The following XPO7 variants were observed in gnomAD, a reference collection of about 807,000 sequenced individuals.
The protein encoded by XPO7 is exportin-7.
XPO7 carries 21 observed loss-of-function variants against 144.3 expected under a neutral mutation model. The ratio of observed to expected loss-of-function variants is 0.15; its 90% CI spans 0.10 to 0.21. The LOEUF (loss-of-function observed/expected upper bound fraction) is 0.21. XPO7 is among the 10% of genes least tolerant of loss of function. The probability of loss-of-function intolerance (pLI) is 1.00; values close to 1 mark genes in which losing one functional copy is unlikely to be tolerated. For missense variants in XPO7, 808 were observed against 1,325.8 expected, an observed-to-expected ratio of 0.61 and a Z score of 6.06; for synonymous variants, 580 against 499.6, an observed-to-expected ratio of 1.16 and a Z score of -2.15.
intron 1 of XPO7, among the ~76,000 whole-genome samples, chr8:21,952,951 G>A (rs184271466): frequency 1.3e-5 from 2 of 152,270 alleles, no homozygotes; most frequent in African/African-American, 4.8e-5. Flanking sequence ...TTTTAGAGCA[G>A]TTTTAGGTTT....
At chr8:21,977,316 C>G (rs928468463) in intron 7 of XPO7, among the ~76,000 whole-genome samples, 4 of 152,214 alleles carry the variant, frequency 2.6e-5, no homozygotes, top group African/African-American at 9.7e-5. Flanking sequence ...CGTGGTGGCT[C>G]ACGCCTGTAA....
chr8:21,976,204 T>G (rs1371816630), intron 6 of XPO7, among the ~76,000 whole-genome samples, 152 bp from the exon 7 acceptor site: 2 of 152,176 alleles, frequency 1.3e-5, no homozygotes, highest in Non-Finnish European at 2.9e-5. Context: ...TAGTCACAGG[T>G]GATAGAAGTA....
At chr8:22,002,880 A>C (rs1813199945) in intron 25 of XPO7, 1 of 184,894 alleles carries the variant, frequency 5.4e-6, no homozygotes, top group Admixed American at 5.7e-5. Context: ...AAAGCTGTCA[A>C]CTCCGAGTAC....
At chr8:21,928,148 T>C (rs1810523738) in intron 1 of XPO7, among the ~76,000 whole-genome samples, 1 of 152,212 alleles carries the variant, frequency 6.6e-6, no homozygotes, top group African/African-American at 2.4e-5. Context: ...CACTATAAAT[T>C]AGTTTGCATT....
At position 21,974,783 on chromosome 8, in the gene XPO7, G is replaced by A; in HGVS notation, c.597+9G>A. The A allele has an allele frequency of 6.5e-7, 1 of 1,542,878 alleles. No homozygotes were observed. The highest frequency in any genetic ancestry group is 8.8e-7 in the Non-Finnish European group (1 of 1,139,912). Reference sequence around the variant, plus strand: ...GCAATTTACTAAAACAGGTGAGCATGTAGTTTGGGTCATATTTCCCAGTTT... The same window carrying A: ...GCAATTTACTAAAACAGGTGAGCATATAGTTTGGGTCATATTTCCCAGTTT... On this transcript the variant is annotated intron_variant, in intron 6 of 27. Transcript: ENST00000252512.
At chr8:21,947,572 G>GTTT (rs1188773249) in intron 1 of XPO7, among the ~76,000 whole-genome samples, 2 of 152,034 alleles carry the variant, frequency 1.3e-5, no homozygotes, top group Non-Finnish European at 2.9e-5. Flanking sequence ...TATTTAAGAG[G>GTTT]TTTTTACATC....
chr8:21,954,526 C>T (rs1013760711), intron 1 of XPO7, among the ~76,000 whole-genome samples: 10 of 151,942 alleles, frequency 6.6e-5, no homozygotes, highest in African/African-American at 2.2e-4. Flanking sequence ...CCCAGCTACT[C>T]GGGAGGCTAA....
intron 1 of XPO7, among the ~76,000 whole-genome samples, chr8:21,944,477 G>T (rs983246150): frequency 1.3e-5 from 2 of 152,136 alleles, no homozygotes; most frequent in African/African-American, 4.8e-5. Context: ...TGAGACTGGA[G>T]AATCACTTGA....
chr8:21,933,795 G>T (rs1226231199), intron 1 of XPO7, among the ~76,000 whole-genome samples: 1 of 152,128 alleles, frequency 6.6e-6, no homozygotes, highest in Non-Finnish European at 1.5e-5. Context: ...TCAGGTTAAT[G>T]AGGTGATACT....
chr8:21,957,884 T>C (rs901281882), intron 1 of XPO7, among the ~76,000 whole-genome samples: 1 of 152,128 alleles, frequency 6.6e-6, no homozygotes, highest in East Asian at 1.9e-4. Context: ...TCCGGGTTTT[T>C]TTTTTCCCAC....
At chr8:21,927,345 A>G (rs192942519) in intron 1 of XPO7, among the ~76,000 whole-genome samples, 17 of 152,312 alleles carry the variant, frequency 1.1e-4, no homozygotes, top group East Asian at 3.9e-4. Flanking sequence ...TTGGAATTCT[A>G]CAGTTAGCCA....
intron 2 of XPO7, among the ~76,000 whole-genome samples, chr8:21,969,037 G>T (rs1187875298): frequency 1.3e-5 from 2 of 152,196 alleles, no homozygotes; most frequent in African/African-American, 4.8e-5. Context: ...TAGTGTGATG[G>T]TTTCCTCTAA....
chr8:21,979,495 C>T (rs2117352027), intron 8 of XPO7, among the ~76,000 whole-genome samples: 1 of 149,868 alleles, frequency 6.7e-6, no homozygotes, highest in Non-Finnish European at 1.5e-5. Context: ...GCAGCCTCCG[C>T]CTCCCAGCTT....
At chr8:21,960,268 A>T (rs947939421) in intron 1 of XPO7, among the ~76,000 whole-genome samples, 8 of 152,246 alleles carry the variant, frequency 5.3e-5, no homozygotes, top group Non-Finnish European at 1.2e-4. Flanking sequence ...ACAAAAACCA[A>T]AAATGACTGT....
chr8:21,987,936 T>C (rs1812635459), intron 15 of XPO7, 79 bp downstream of exon 15: 1 of 1,414,654 alleles, frequency 7.1e-7, no homozygotes, highest in Non-Finnish European at 9.8e-7. Context: ...GGCATTGTGC[T>C]GCCAGTGCCT....
chr8:21,928,038 A>G (rs1810519255), intron 1 of XPO7, among the ~76,000 whole-genome samples: 3 of 152,224 alleles, frequency 2.0e-5, no homozygotes, highest in African/African-American at 7.2e-5. Flanking sequence ...TGACAGATAC[A>G]TACACCTGTG....
chr8:21,964,764 A>G (rs1446985730), intron 1 of XPO7, among the ~76,000 whole-genome samples: 1 of 152,256 alleles, frequency 6.6e-6, no homozygotes, highest in Non-Finnish European at 1.5e-5. Context: ...GCAAATCAAA[A>G]CAAAACAACA....
At chr8:21,950,181 G>T (rs574790286) in intron 1 of XPO7, among the ~76,000 whole-genome samples, 2 of 152,324 alleles carry the variant, frequency 1.3e-5, no homozygotes, top group Admixed American at 6.5e-5. Flanking sequence ...AATCTTTTAC[G>T]TTTCTGAAGA....
chr8:21,991,210 C>G (rs1457055406), intron 18 of XPO7, among the ~76,000 whole-genome samples: 1 of 152,158 alleles, frequency 6.6e-6, no homozygotes, highest in Non-Finnish European at 1.5e-5. Context: ...CTAAATGTAT[C>G]TTTTTGGCCA....
Sources: gnomAD v4.1 joint callset for allele counts (sites outside exome capture counted in the v4.1 genomes callset) on GRCh38, gnomAD v4.1.1 for gene constraint, MANE v1.5 for transcripts, NCBI Gene and HGNC (gene_info 2026-07-23, HGNC 2026-07-21) for gene names.